The following XIRP2 variants were observed in gnomAD, a reference collection of about 807,000 sequenced individuals.
XIRP2 encodes xin actin-binding repeat-containing protein 2.
A neutral mutation model predicts 277.0 loss-of-function variants in XIRP2; 236 were observed. The ratio of observed to expected loss-of-function variants is 0.85; its 90% CI spans 0.77 to 0.95. XIRP2 has a LOEUF of 0.95. XIRP2 is among the 40% of genes least tolerant of loss of function. XIRP2 has a pLI of 0.00. For synonymous variants in XIRP2, 1,490 were observed against 1,416.5 expected (o/e 1.05, Z -1.17); for missense variants, 4,640 against 4,157.5 (o/e 1.12, Z -3.19).
At chr2:167,123,059 A>G (rs1365272662) in intron 2 of XIRP2, among the ~76,000 whole-genome samples, 1 of 152,158 alleles carries the variant, frequency 6.6e-6, no homozygotes, top group African/African-American at 2.4e-5. Flanking sequence ...ACATATCTGA[A>G]AAATTCAGCA....
chr2:167,109,574 C>A (rs967576096), intron 2 of XIRP2, among the ~76,000 whole-genome samples: 1 of 152,206 alleles, frequency 6.6e-6, no homozygotes, highest in East Asian at 1.9e-4. Context: ...AGCCACTGTG[C>A]CCTGGCCAAC....
intron 1 of XIRP2, among the ~76,000 whole-genome samples, chr2:166,894,791 C>G (rs1307011652): frequency 6.6e-6 from 1 of 152,160 alleles, no homozygotes; most frequent in African/African-American, 2.4e-5. Flanking sequence ...AGTTAGGGAA[C>G]AGACATTAAT....
chr2:166,970,668 C>T (rs897104625), intron 2 of XIRP2, among the ~76,000 whole-genome samples: 1 of 151,656 alleles, frequency 6.6e-6, no homozygotes, highest in Non-Finnish European at 1.5e-5. Context: ...AAAACACAGA[C>T]AAATGAAAAG....
intron 2 of XIRP2, among the ~76,000 whole-genome samples, chr2:167,084,247 T>G (rs1574237739): frequency 6.6e-6 from 1 of 152,334 alleles, no homozygotes; most frequent in African/African-American, 2.4e-5. Flanking sequence ...TTACATTTAT[T>G]GATTTGCGTA....
At chr2:167,049,707 G>C (rs1367346676) in intron 2 of XIRP2, among the ~76,000 whole-genome samples, 1 of 151,668 alleles carries the variant, frequency 6.6e-6, no homozygotes, top group Non-Finnish European at 1.5e-5. Context: ...CTTTTTATCT[G>C]GTATTTTTAC....
At position 166,889,894 on chromosome 2, in the gene XIRP2, C is replaced by A. The variant is rs1457609835; in HGVS notation, c.-19+1337C>A. On this transcript the variant is annotated intron_variant, in intron 1 of 10. Coordinates refer to ENST00000409195, the MANE Select transcript of XIRP2 (RefSeq NM_152381.6). The stretch of plus-strand genomic sequence containing the variant: ...CCTTGTTATTCTTCTCCATAGCAAG[C>A]AATCCTCAAGCAGGTATTGAATTAA... 3.1e-5 allele frequency: 3 copies of A among 98,026 alleles called. 1 individual carries two copies. The highest frequency in any genetic ancestry group is 8.2e-5 in the Non-Finnish European group (3 of 36,704). 6.1% of individuals were successfully genotyped at this position (98,026 alleles called of 1,614,324 possible).
At chr2:167,129,522 C>G (rs1161724196) in intron 2 of XIRP2, among the ~76,000 whole-genome samples, 1 of 152,006 alleles carries the variant, frequency 6.6e-6, no homozygotes, top group East Asian at 1.9e-4. Context: ...TTTTCATTCT[C>G]ACATCTTAAA....
At chr2:167,203,019 G>A (rs1165666182) in intron 3 of XIRP2, among the ~76,000 whole-genome samples, 4 of 152,056 alleles carry the variant, frequency 2.6e-5, no homozygotes, top group Admixed American at 2.0e-4. Flanking sequence ...TGCATCTCCC[G>A]TCTCAATGCT....
At chr2:167,112,387 T>A (rs1258635108) in intron 2 of XIRP2, among the ~76,000 whole-genome samples, 2 of 151,920 alleles carry the variant, frequency 1.3e-5, no homozygotes, top group Non-Finnish European at 2.9e-5. Flanking sequence ...CTAATGAATA[T>A]CTTGATTTCT....
At chr2:166,951,855 G>T (rs190413648) in intron 2 of XIRP2, among the ~76,000 whole-genome samples, 1 of 152,114 alleles carries the variant, frequency 6.6e-6, no homozygotes, top group East Asian at 2.0e-4. Context: ...GGAGAGCACA[G>T]ACTTGAGATC....
intron 2 of XIRP2, among the ~76,000 whole-genome samples, chr2:166,988,300 C>T (rs374324563): frequency 6.6e-6 from 1 of 152,060 alleles, no homozygotes; most frequent in Non-Finnish European, 1.5e-5. Flanking sequence ...AACTGCCTGC[C>T]AGTATTCTTT....
chr2:167,032,646 G>T (rs1362703224), intron 2 of XIRP2, among the ~76,000 whole-genome samples: 16 of 151,914 alleles, frequency 1.1e-4, no homozygotes, highest in Admixed American at 1.0e-3. Flanking sequence ...GATATGAATA[G>T]ACACTTCTCA....
rs369227139 is a variant in XIRP2 at position 167,245,030 on chromosome 2, G to A, written c.3638G>A (p.Ser1213Asn). The change falls in exon 9 of 11, where the codon AGT becomes AAT. Residue 1213 changes from serine (S) to asparagine (N), a missense_variant. Transcript: ENST00000409195. ...KFENQSLDSI[S>N]SSSEEVLKKI... ...GAAAATCAGTCCTTAGATTCTATAA[G>A]TTCTAGTTCAGAGGAAGTTTTGAAA... 1 of 1,612,732 alleles carries A rather than the reference G, an allele frequency of 6.2e-7. No individual in the cohort carries two copies. Among genetic ancestry groups the A allele is most frequent in the Non-Finnish European group, 8.5e-7 (1 of 1,179,572 alleles).
rs147243274 is a variant in XIRP2, at chr2:167,211,089, G to A, written c.723+194G>A. Among the ~76,000 whole-genome samples, 34 of 152,212 alleles carry A rather than the reference G, an allele frequency of 2.2e-4. No individual in the cohort carries two copies. The East Asian group carries it at 5.8e-3, about 26-fold the overall frequency. On this transcript the variant is annotated intron_variant, in intron 4 of 10. Transcript: ENST00000409195. ...TGCTACTTATTACTTGTGTGAATCTGAACTACTATTTTTATTTATTTTTTA... is the reference window on the plus strand; with the variant it reads ...TGCTACTTATTACTTGTGTGAATCTAAACTACTATTTTTATTTATTTTTTA...
At chr2:166,956,552 C>T (rs1364054678) in intron 2 of XIRP2, among the ~76,000 whole-genome samples, 9 of 151,838 alleles carry the variant, frequency 5.9e-5, no homozygotes, top group African/African-American at 2.2e-4. Flanking sequence ...CCCAACAGAT[C>T]CTGAGAAAGA....
intron 2 of XIRP2, among the ~76,000 whole-genome samples, chr2:166,914,956 T>C (rs1684821385): frequency 1.3e-5 from 2 of 152,076 alleles, no homozygotes; most frequent in African/African-American, 2.4e-5. Context: ...ACCTTAAAGA[T>C]TGAATTAATC....
chr2:166,952,988 A>G (rs945555988), intron 2 of XIRP2, among the ~76,000 whole-genome samples: 2 of 152,050 alleles, frequency 1.3e-5, no homozygotes, highest in Non-Finnish European at 2.9e-5. Context: ...ATACAAAATT[A>G]TTATTGCAGA....
intron 2 of XIRP2, among the ~76,000 whole-genome samples, chr2:166,948,038 C>T (rs570371746): frequency 1.3e-5 from 2 of 152,180 alleles, no homozygotes; most frequent in South Asian, 2.1e-4. Context: ...GTAAAGAGAT[C>T]AGCGGTTTCT....
At chr2:166,995,692 A>T (rs933113783) in intron 2 of XIRP2, among the ~76,000 whole-genome samples, 1 of 152,222 alleles carries the variant, frequency 6.6e-6, no homozygotes, top group African/African-American at 2.4e-5. Context: ...TTTTGTTGTG[A>T]AAGTAATTTT....
Sources: gnomAD v4.1 joint callset for allele counts (sites outside exome capture counted in the v4.1 genomes callset) on GRCh38, gnomAD v4.1.1 for gene constraint, MANE v1.5 for transcripts, NCBI Gene and HGNC (gene_info 2026-07-23, HGNC 2026-07-21) for gene names.